The following CTNNA1 variants were observed in gnomAD, a reference collection of about 807,000 sequenced individuals.
The protein encoded by CTNNA1 is catenin alpha 1, also known as catenin alpha-1.
Under a neutral mutation model 98.4 loss-of-function variants are expected in CTNNA1, and 37 were observed. That is an observed-to-expected ratio of 0.38 (90% CI 0.29 to 0.49). The LOEUF is 0.49. Ranked by LOEUF, CTNNA1 falls within the 20% of genes least tolerant of loss-of-function variation. The pLI, the probability that CTNNA1 is intolerant of heterozygous loss-of-function variation, is 0.95. For missense variants in CTNNA1, 761 were observed against 1,147.2 expected, an observed-to-expected ratio of 0.66 and a Z score of 4.86; for synonymous variants, 404 against 413.2, an observed-to-expected ratio of 0.98 and a Z score of 0.27.
At chr5:138,808,992 A>T (rs565431396) in intron 3 of CTNNA1, among the ~76,000 whole-genome samples, 119 of 152,228 alleles carry the variant, frequency 7.8e-4, no homozygotes, top group Non-Finnish European at 1.4e-3. Flanking sequence ...ATTTTTAAAA[A>T]TTTTTTTAAA....
At chr5:138,776,370 C>T (rs1228941601) in intron 1 of CTNNA1, among the ~76,000 whole-genome samples, 6 of 152,088 alleles carry the variant, frequency 3.9e-5, no homozygotes, top group African/African-American at 1.2e-4. Context: ...GTAAGGTCAC[C>T]GATCAACAGG....
At chr5:138,841,810 T>G (rs950934772) in intron 7 of CTNNA1, among the ~76,000 whole-genome samples, 1 of 152,220 alleles carries the variant, frequency 6.6e-6, no homozygotes. Flanking sequence ...GAAGACACTT[T>G]AATGTTTGCA....
At chr5:138,900,616 C>T (rs1008886821) in intron 9 of CTNNA1, among the ~76,000 whole-genome samples, 4 of 152,060 alleles carry the variant, frequency 2.6e-5, no homozygotes, top group Admixed American at 2.6e-4. Flanking sequence ...GGGATTTTTT[C>T]CTAAATGAAA....
At chr5:138,906,362 AT>A (rs1759259837) in intron 10 of CTNNA1, among the ~76,000 whole-genome samples, 1 of 152,136 alleles carries the variant, frequency 6.6e-6, no homozygotes, top group Admixed American at 6.5e-5. Context: ...ACAGATTTGA[AT>A]TTGGATTCTT....
At chr5:138,834,285 T>C (rs1185711602) in intron 7 of CTNNA1, among the ~76,000 whole-genome samples, 1 of 152,380 alleles carries the variant, frequency 6.6e-6, no homozygotes, top group East Asian at 1.9e-4. Flanking sequence ...GTGTTCATTA[T>C]ATATTGTCCA....
chr5:138,921,618 T>C (rs951069540), intron 11 of CTNNA1, among the ~76,000 whole-genome samples: 1 of 149,380 alleles, frequency 6.7e-6, no homozygotes, highest in African/African-American at 2.5e-5. Context: ...TTTTTTTTTT[T>C]TGAGATGGAG....
At chr5:138,901,727 C>T (rs77385273) in intron 9 of CTNNA1, among the ~76,000 whole-genome samples, 1,698 of 152,246 alleles carry the variant, frequency 0.011, 29 homozygotes, top group African/African-American at 0.039. Flanking sequence ...TCATTCTAAC[C>T]TCAGGATCTT....
intron 10 of CTNNA1, among the ~76,000 whole-genome samples, chr5:138,909,268 T>C (rs1012266221): frequency 6.6e-6 from 1 of 152,178 alleles, no homozygotes; most frequent in Non-Finnish European, 1.5e-5. Context: ...ATGCCTGGTT[T>C]AATGCATGGC....
At chr5:138,787,391 C>T (rs1755825100) in intron 3 of CTNNA1, among the ~76,000 whole-genome samples, 2 of 151,952 alleles carry the variant, frequency 1.3e-5, no homozygotes, top group Admixed American at 6.6e-5. Flanking sequence ...GCACTCCAGC[C>T]TGGGTGACAG....
At chr5:138,894,279 C>CTTTT (rs35503987) in intron 9 of CTNNA1, among the ~76,000 whole-genome samples, 49,248 of 145,082 alleles carry the variant, frequency 0.34, 9,200 homozygotes, top group African/African-American at 0.5. Context: ...ACTTTTCTTT[C>CTTTT]TCTTTTTTTT....
At chr5:138,779,324 T>C (rs895296407) in intron 1 of CTNNA1, among the ~76,000 whole-genome samples, 4 of 152,196 alleles carry the variant, frequency 2.6e-5, no homozygotes, top group African/African-American at 9.6e-5. Flanking sequence ...CTTTTGAGGA[T>C]CCCTATGGTC....
rs28363483 is a variant in CTNNA1 at position 138,929,206 on chromosome 5, C to T, written c.1900-40C>T. 2.0e-3 allele frequency: 2,301 copies of T among 1,130,292 alleles called. 62 individuals carry two copies. In the Admixed American group the frequency reaches 0.037, roughly 18 times the overall value. The allele number at this position is 1,130,292 out of a possible 1,614,324, so 70.0% of individuals were successfully genotyped here. A position where few individuals can be genotyped will look rare whatever the true frequency, so the allele number is the denominator to read the frequency against. On this transcript the variant is annotated intron_variant, in intron 13 of 17. Transcript: ENST00000302763. ...TCAGGGTGGCTGGGGGCTGGTGGCCCAGAGATGTGTCTGACCTGTGATCTT... is the reference window on the plus strand; with the variant it reads ...TCAGGGTGGCTGGGGGCTGGTGGCCTAGAGATGTGTCTGACCTGTGATCTT...
intron 5 of CTNNA1, among the ~76,000 whole-genome samples, chr5:138,823,956 CAAAAAAAAAAAAAAA>C (rs369653057): frequency 2.8e-4 from 18 of 64,426 alleles, no homozygotes; most frequent in Admixed American, 1.2e-3. Flanking sequence ...GACTCCGTCT[CAAAAAAAAAAAAAAA>C]AAAAAAAAAA....
At chr5:138,888,664 C>T (rs1184894838) in intron 9 of CTNNA1, among the ~76,000 whole-genome samples, 1 of 152,152 alleles carries the variant, frequency 6.6e-6, no homozygotes, top group Admixed American at 6.5e-5. Context: ...TCTCCTGCCT[C>T]AGCCTCCTGA....
chr5:138,783,545 C>T (rs1755368617), intron 3 of CTNNA1, among the ~76,000 whole-genome samples, 173 bp downstream of exon 3: 1 of 152,032 alleles, frequency 6.6e-6, no homozygotes, highest in Admixed American at 6.6e-5. Context: ...AATTCTCATT[C>T]TTATGCTTGC....
At chr5:138,816,745 G>C (rs1171796252) in intron 5 of CTNNA1, among the ~76,000 whole-genome samples, 1 of 151,822 alleles carries the variant, frequency 6.6e-6, no homozygotes, top group African/African-American at 2.4e-5. Flanking sequence ...GTGTCACTCA[G>C]GCTGGAGTGC....
intron 1 of CTNNA1, among the ~76,000 whole-genome samples, chr5:138,773,247 CAAA>C (rs1302296760): frequency 3.3e-5 from 5 of 152,076 alleles, no homozygotes; most frequent in South Asian, 2.1e-4. Flanking sequence ...AATAAGTAAA[CAAA>C]GAAGACGATA....
chr5:138,888,885 G>A (rs114130090), intron 9 of CTNNA1, among the ~76,000 whole-genome samples: 1,696 of 152,252 alleles, frequency 0.011, 27 homozygotes, highest in African/African-American at 0.039. Flanking sequence ...GACACCAGTA[G>A]TCACATCGTG....
chr5:138,757,074 A>C (rs1275238167), intron 1 of CTNNA1, among the ~76,000 whole-genome samples: 1 of 151,118 alleles, frequency 6.6e-6, no homozygotes, highest in Non-Finnish European at 1.5e-5. Flanking sequence ...CACGCTCTGT[A>C]GTCCCAGCTA....
Sources: gnomAD v4.1 joint callset for allele counts (sites outside exome capture counted in the v4.1 genomes callset) on GRCh38, gnomAD v4.1.1 for gene constraint, MANE v1.5 for transcripts, NCBI Gene and HGNC (gene_info 2026-07-23, HGNC 2026-07-21) for gene names.